The following PID1 variants were observed in gnomAD, a reference collection of about 807,000 sequenced individuals.
The protein encoded by PID1 is phosphotyrosine interaction domain containing 1.
A neutral mutation model predicts 19.1 loss-of-function variants in PID1; 10 were observed. The ratio of observed to expected loss-of-function variants is 0.52; its 90% confidence interval spans 0.32 to 0.89. The LOEUF (loss-of-function observed/expected upper bound fraction) is 0.89, where lower values mean the gene tolerates loss of function less well. PID1 is among the 40% of genes least tolerant of loss of function. The probability of loss-of-function intolerance (pLI) is 0.03; values close to 1 mark genes in which losing one functional copy is unlikely to be tolerated. For synonymous variants in PID1, 130 were observed against 116.0 expected, an observed-to-expected ratio of 1.12 and a Z score of -0.78; for missense variants, 248 against 285.3, an observed-to-expected ratio of 0.87 and a Z score of 0.94.
chr2:229,103,924 G>T (rs1695123127), intron 2 of PID1, among the ~76,000 whole-genome samples: 1 of 152,106 alleles, frequency 6.6e-6, no homozygotes, highest in Admixed American at 6.5e-5. Flanking sequence ...TGGTGATTCT[G>T]CCAGCCGTCT....
chr2:229,120,306 A>G (rs933228229), intron 2 of PID1, among the ~76,000 whole-genome samples: 1 of 152,140 alleles, frequency 6.6e-6, no homozygotes, highest in South Asian at 2.1e-4. Context: ...TGATTAATAC[A>G]TATTTTGTAT....
chr2:229,114,474 A>G (rs1695370610), intron 2 of PID1, among the ~76,000 whole-genome samples: 1 of 152,114 alleles, frequency 6.6e-6, no homozygotes, highest in Non-Finnish European at 1.5e-5. Context: ...CCTGTCAATC[A>G]TTTGAAATTG....
intron 2 of PID1, among the ~76,000 whole-genome samples, chr2:229,064,800 G>C (rs1196802980): frequency 6.6e-6 from 1 of 152,016 alleles, no homozygotes; most frequent in Non-Finnish European, 1.5e-5. Context: ...TAAAACCCTG[G>C]AGTAAAAGCA....
At position 229,041,300 on chromosome 2, in the gene PID1, G is replaced by A. The variant is rs79187145; in HGVS notation, c.178-15192C>T. Among the ~76,000 whole-genome samples the A allele has an allele frequency of 8.1e-3, 1,232 of 152,218 alleles. 18 individuals are homozygous for A. Among genetic ancestry groups the A allele is most frequent in the African/African-American group, 0.028 (1,171 of 41,512 alleles). On this transcript the variant is annotated intron_variant, in intron 2 of 2. Coordinates refer to ENST00000392055, the MANE Select transcript of PID1 (RefSeq NM_001100818.2). Reference sequence around the variant, plus strand: ...AAGAATGATATAAACATGTTCAAACGACAGAGGCACTTGAAGGGGCTCCTG... The same window carrying A: ...AAGAATGATATAAACATGTTCAAACAACAGAGGCACTTGAAGGGGCTCCTG...
intron 1 of PID1, among the ~76,000 whole-genome samples, chr2:229,181,463 C>G (rs550434628): frequency 1.3e-5 from 2 of 152,014 alleles, no homozygotes; most frequent in African/African-American, 4.8e-5. Flanking sequence ...GAGAATCTTA[C>G]GAGAATCAAC....
At chr2:229,199,538 C>G (rs1405582863) in intron 1 of PID1, among the ~76,000 whole-genome samples, 2 of 151,690 alleles carry the variant, frequency 1.3e-5, no homozygotes, top group Non-Finnish European at 2.9e-5. Flanking sequence ...ACAAAACTAT[C>G]TTTTTTCAAA....
intron 1 of PID1, among the ~76,000 whole-genome samples, chr2:229,169,966 C>T (rs573341446): frequency 6.6e-6 from 1 of 152,234 alleles, no homozygotes; most frequent in South Asian, 2.1e-4. Flanking sequence ...GACTCACAAC[C>T]CCAGACATCT....
intron 1 of PID1, among the ~76,000 whole-genome samples, chr2:229,266,899 C>T (rs1376153288): frequency 1.6e-4 from 24 of 152,290 alleles, no homozygotes; most frequent in Non-Finnish European, 1.5e-5. Context: ...GGAAAAGTAT[C>T]AGATTTGCCG....
At chr2:229,228,947 G>A (rs941914611) in intron 1 of PID1, among the ~76,000 whole-genome samples, 5 of 152,130 alleles carry the variant, frequency 3.3e-5, no homozygotes, top group African/African-American at 1.2e-4. Context: ...TACCTGACCT[G>A]GTGTGAGAAA....
intron 1 of PID1, among the ~76,000 whole-genome samples, chr2:229,183,475 G>C (rs13033505): frequency 0.25 from 38,691 of 152,168 alleles, 5,182 homozygotes; most frequent in Non-Finnish European, 0.3. Context: ...ACTCACATTT[G>C]AATTGGTAGA....
At chr2:229,263,780 C>A (rs1690520980) in intron 1 of PID1, among the ~76,000 whole-genome samples, 1 of 152,192 alleles carries the variant, frequency 6.6e-6, no homozygotes, top group South Asian at 2.1e-4. Context: ...CTCCATGACA[C>A]AAGAGGCACA....
At chr2:229,203,653 T>G (rs1203138539) in intron 1 of PID1, among the ~76,000 whole-genome samples, 2 of 152,060 alleles carry the variant, frequency 1.3e-5, no homozygotes, top group Non-Finnish European at 2.9e-5. Flanking sequence ...CCTTGAAATG[T>G]TTATTGTATC....
chr2:229,046,079 T>G (rs1693870844), intron 2 of PID1, among the ~76,000 whole-genome samples: 1 of 152,144 alleles, frequency 6.6e-6, no homozygotes, highest in African/African-American at 2.4e-5. Flanking sequence ...AAAATGGCTT[T>G]TGCAGCGTCT....
chr2:229,046,379 T>TGC (rs1553555185), intron 2 of PID1, among the ~76,000 whole-genome samples: 2,243 of 144,214 alleles, frequency 0.016, 46 homozygotes, highest in African/African-American at 0.05. Context: ...TGTGTGTGTG[T>TGC]GCGTGTGTGT....
chr2:229,075,731 C>A (rs1476537864), intron 2 of PID1, among the ~76,000 whole-genome samples: 4 of 152,206 alleles, frequency 2.6e-5, no homozygotes, highest in Non-Finnish European at 5.9e-5. Context: ...GTCAATTAAG[C>A]TGGGTCCCCA....
intron 2 of PID1, among the ~76,000 whole-genome samples, chr2:229,051,417 A>G (rs1693993438): frequency 6.6e-6 from 1 of 152,114 alleles, no homozygotes; most frequent in Non-Finnish European, 1.5e-5. Flanking sequence ...AGCTCACTGC[A>G]ACCTCTGCCT....
At chr2:229,176,767 G>C (rs1690832813) in intron 1 of PID1, among the ~76,000 whole-genome samples, 6 of 152,144 alleles carry the variant, frequency 3.9e-5, no homozygotes, top group Admixed American at 3.9e-4. Context: ...AAAATCTACT[G>C]TGGGCCAGAA....
intron 1 of PID1, among the ~76,000 whole-genome samples, chr2:229,189,266 C>T (rs1691205699): frequency 6.6e-6 from 1 of 152,212 alleles, no homozygotes; most frequent in Non-Finnish European, 1.5e-5. Context: ...CACGCAGAAT[C>T]AATTTACACA....
At chr2:229,151,248 T>C (rs1453663340) in intron 2 of PID1, among the ~76,000 whole-genome samples, 1 of 152,208 alleles carries the variant, frequency 6.6e-6, no homozygotes, top group African/African-American at 2.4e-5. Flanking sequence ...CACCTGTGGA[T>C]AGACACAAAA....
Sources: gnomAD v4.1 joint callset for allele counts (sites outside exome capture counted in the v4.1 genomes callset) on GRCh38, gnomAD v4.1.1 for gene constraint, MANE v1.5 for transcripts, NCBI Gene and HGNC (gene_info 2026-07-23, HGNC 2026-07-21) for gene names.